Variants in PKD2L2 observed in about 807,000 individuals in gnomAD.
The protein encoded by PKD2L2 is polycystin-2-like protein 2.
PKD2L2 carries 67 observed loss-of-function variants against 83.9 expected under a neutral mutation model. The observed-to-expected ratio is 0.80, with a 90% CI of 0.66 to 0.98. The LOEUF is 0.98. Among genes scored for constraint, PKD2L2 ranks in the 50% least tolerant of loss-of-function variants. The pLI, the probability that PKD2L2 is intolerant of heterozygous loss-of-function variation, is 0.00. For synonymous variants in PKD2L2, 223 were observed against 237.8 expected, an observed-to-expected ratio of 0.94 and a Z score of 0.57; for missense variants, 632 against 717.2, an observed-to-expected ratio of 0.88 and a Z score of 1.36.
intron 8 of PKD2L2, among the ~76,000 whole-genome samples, chr5:137,916,291 TCA>T (rs1180381021): frequency 1.3e-5 from 2 of 151,988 alleles, no homozygotes; most frequent in Non-Finnish European, 2.9e-5. Flanking sequence ...TTCTCCTGCC[TCA>T]GTTTCCCAAG....
At chr5:137,906,141 C>A in intron 5 of PKD2L2, 65 bp from the exon 6 acceptor site, 1 of 896,354 alleles carries the variant, frequency 1.1e-6, no homozygotes, top group Non-Finnish European at 1.8e-6. Context: ...TTGAAAATTT[C>A]ACATTAAGTA....
At chr5:137,935,203 A>C (rs1244969471) in intron 12 of PKD2L2, among the ~76,000 whole-genome samples, 1 of 152,150 alleles carries the variant, frequency 6.6e-6, no homozygotes, top group Non-Finnish European at 1.5e-5. Flanking sequence ...TGTAGCTGGG[A>C]AAAGGGTATT....
intron 2 of PKD2L2, among the ~76,000 whole-genome samples, chr5:137,891,811 G>A (rs1437563674): frequency 1.3e-5 from 2 of 151,990 alleles, no homozygotes; most frequent in Non-Finnish European, 2.9e-5. Context: ...AGCCTCCGGA[G>A]TAGCTGGGAT....
chr5:137,916,355 T>C (rs906431193), intron 8 of PKD2L2, among the ~76,000 whole-genome samples: 9 of 152,026 alleles, frequency 5.9e-5, no homozygotes, highest in African/African-American at 1.4e-4. Context: ...TTTTATATTT[T>C]TGGTAGAGAT....
At chr5:137,925,234 G>C in intron 11 of PKD2L2, 130 bp downstream of exon 11, 1 of 630,478 alleles carries the variant, frequency 1.6e-6, no homozygotes, top group Non-Finnish European at 2.8e-6. Context: ...CACCATGTTG[G>C]TCAGACTGGT....
intron 12 of PKD2L2, among the ~76,000 whole-genome samples, chr5:137,931,327 A>G (rs927680817): frequency 6.6e-6 from 1 of 152,200 alleles, no homozygotes; most frequent in Non-Finnish European, 1.5e-5. Flanking sequence ...AAGAGAAAAA[A>G]GAAAATGCCC....
intron 4 of PKD2L2, among the ~76,000 whole-genome samples, chr5:137,896,091 C>A (rs922114490): frequency 2.0e-5 from 3 of 151,598 alleles, no homozygotes; most frequent in African/African-American, 7.3e-5. Context: ...ACAGGAAAAT[C>A]GCTTGAACCC....
In PKD2L2 at chr5:137,935,871, A is replaced by G; in HGVS notation, c.1746A>G (p.Gln582=). The G allele has an allele frequency of 6.2e-7, 1 of 1,605,942 alleles. No homozygotes were observed. The highest frequency in any genetic ancestry group is 8.5e-7 in the Non-Finnish European group (1 of 1,172,576). The change falls in exon 13 of 15, where the codon CAA becomes CAG. Residue 582 remains glutamine, a synonymous_variant. Coordinates refer to ENST00000508883, the MANE Select transcript of PKD2L2 (RefSeq NM_001300921.2). The stretch of plus-strand genomic sequence containing the variant: ...AAAAGTATTATTCTATGGAAATTCA[A>G]GATGACTACCAGCCTGTCACTCAAG... ...LEKKYYSMEI[Q]DDYQPVTQEE... is the part of the protein sequence containing the mutation.
At chr5:137,932,204 C>T (rs1308130189) in intron 12 of PKD2L2, among the ~76,000 whole-genome samples, 2 of 151,918 alleles carry the variant, frequency 1.3e-5, no homozygotes, top group African/African-American at 4.8e-5. Flanking sequence ...CAAAATTAGC[C>T]AGGCGTGGTG....
chr5:137,899,508 T>C lies in PKD2L2; in HGVS notation c.525-8T>C, dbSNP rs1756775846. On this transcript the variant is annotated splice_polypyrimidine_tract_variant and splice_region_variant and intron_variant, in intron 4 of 14. Transcript: ENST00000508883. ...TCATTTCACCATTATTCTTTTTATG[T>C]GTAACAGATGGAGATATTCTACTTC... 1 of 1,495,624 alleles carries C rather than the reference T, an allele frequency of 6.7e-7. No individual in the cohort carries two copies. The highest frequency in any genetic ancestry group is 2.3e-5 in the East Asian group (1 of 44,308). 92.6% of individuals were successfully genotyped at this position (1,495,624 alleles called of 1,614,324 possible).
At chr5:137,902,997 C>T (rs376950962) in intron 5 of PKD2L2, among the ~76,000 whole-genome samples, 9 of 152,338 alleles carry the variant, frequency 5.9e-5, no homozygotes, top group East Asian at 1.9e-4. Flanking sequence ...TTGTATCTAG[C>T]TTTTCCTAGG....
intron 4 of PKD2L2, among the ~76,000 whole-genome samples, chr5:137,895,867 GAC>G (rs1756412998): frequency 7.4e-6 from 1 of 135,864 alleles, no homozygotes; most frequent in Non-Finnish European, 1.5e-5. Context: ...GGTAGTGTGA[GAC>G]ACAGTCTCAA....
intron 4 of PKD2L2, among the ~76,000 whole-genome samples, chr5:137,896,844 G>A (rs1756510454): frequency 6.6e-6 from 1 of 150,978 alleles, no homozygotes; most frequent in Non-Finnish European, 1.5e-5. Context: ...ATTAGTCAAT[G>A]TTTATATTAT....
At chr5:137,911,642 C>T (rs1270932992) in intron 8 of PKD2L2, among the ~76,000 whole-genome samples, 2 of 151,978 alleles carry the variant, frequency 1.3e-5, no homozygotes, top group Non-Finnish European at 2.9e-5. Context: ...TATCCATCAC[C>T]TCTCATATTT....
At chr5:137,899,226 C>T (rs181725674) in intron 4 of PKD2L2, among the ~76,000 whole-genome samples, 92 of 152,272 alleles carry the variant, frequency 6.0e-4, no homozygotes, top group Admixed American at 9.8e-4. Flanking sequence ...AAACAATCCT[C>T]CTACCTCAGT....
intron 9 of PKD2L2, 74 bp from the exon 10 acceptor site, chr5:137,923,346 C>G: frequency 1.3e-6 from 1 of 780,976 alleles, no homozygotes; most frequent in Non-Finnish European, 2.2e-6. Context: ...ATTTTACAAA[C>G]CCAAAACTTG....
At chr5:137,927,886 C>T (rs1399000547) in intron 12 of PKD2L2, among the ~76,000 whole-genome samples, 3 of 152,064 alleles carry the variant, frequency 2.0e-5, no homozygotes, top group Non-Finnish European at 2.9e-5. Flanking sequence ...AAAATCAGGC[C>T]GGGTGCGGTG....
At chr5:137,915,471 G>T (rs533019358) in intron 8 of PKD2L2, among the ~76,000 whole-genome samples, 3 of 152,094 alleles carry the variant, frequency 2.0e-5, no homozygotes, top group East Asian at 3.9e-4. Flanking sequence ...CGCCCAGGCT[G>T]GAGTGCAGTG....
chr5:137,898,047 G>A (rs1756629092), intron 4 of PKD2L2, among the ~76,000 whole-genome samples: 1 of 151,290 alleles, frequency 6.6e-6, no homozygotes, highest in African/African-American at 2.4e-5. Context: ...GCTCACTGCA[G>A]CCCCCGCCTC....
Sources: allele counts gnomAD v4.1 joint callset (sites outside exome capture counted in the v4.1 genomes callset), GRCh38; gene constraint gnomAD v4.1.1; transcripts MANE v1.5; gene names NCBI Gene and HGNC (gene_info 2026-07-23, HGNC 2026-07-21).